Variants in DLGAP4 observed in about 807,000 individuals in gnomAD.
DLGAP4 encodes the protein DLG associated protein 4.
DLGAP4 carries 18 observed loss-of-function variants against 86.9 expected under a neutral mutation model. The ratio of observed to expected loss-of-function variants is 0.21; its 90% CI spans 0.14 to 0.31. DLGAP4 has a LOEUF of 0.31. DLGAP4 is among the 10% of genes least tolerant of loss of function. The probability of loss-of-function intolerance (pLI) is 1.00; values close to 1 mark genes in which losing one functional copy is unlikely to be tolerated. For missense variants in DLGAP4, 1,085 were observed against 1,362.6 expected (o/e 0.80, Z 3.21); for synonymous variants, 548 against 574.3 (o/e 0.95, Z 0.65).
chr20:36,458,225 C>T, intron 7 of DLGAP4, among the ~76,000 whole-genome samples: 1 of 151,672 alleles, frequency 6.6e-6, no homozygotes, highest in East Asian at 2.0e-4. Context: ...AAAAGAAACA[C>T]TCAGACCGGG....
intron 1 of DLGAP4, among the ~76,000 whole-genome samples, chr20:36,347,395 A>T (rs2029979418): frequency 1.3e-5 from 2 of 152,102 alleles, no homozygotes; most frequent in Non-Finnish European, 2.9e-5. Context: ...GGGCCAGATC[A>T]TGGGCCACTG....
chr20:36,498,169 G>T (rs570609477), intron 8 of DLGAP4: 2 of 152,374 alleles, frequency 1.3e-5, no homozygotes, highest in East Asian at 3.9e-4. Context: ...AACAGAGAAG[G>T]CTCACTGAGC....
rs930216741 is a variant in DLGAP4, at chr20:36,393,438, G to A, written c.-73+26163G>A. ...CCCTGTCCCCCGGCTGCTAACTTAC[G>A]AAGTGCTGGGCTCCTGGGAGACGCT... On this transcript the variant is annotated intron_variant, in intron 2 of 12. Coordinates refer to ENST00000339266, the MANE Select transcript of DLGAP4 (RefSeq NM_001365621.2). This position sits in a 1 kb window ranked among gnomAD's most constrained non-coding sequence, Gnocchi z 4.4. Among the ~76,000 whole-genome samples the A allele has an allele frequency of 3.3e-5, 5 of 152,056 alleles. No homozygotes were observed. Among genetic ancestry groups the A allele is most frequent in the South Asian group, 2.1e-4 (1 of 4,822 alleles).
At chr20:36,312,368 AAC>A (rs2065060922) in intron 1 of DLGAP4, among the ~76,000 whole-genome samples, 2 of 149,688 alleles carry the variant, frequency 1.3e-5, no homozygotes, top group Non-Finnish European at 2.9e-5. Context: ...TGCACGCGCG[AAC>A]ACACGCACAC....
chr20:36,477,498 G>T (rs1022721437), intron 7 of DLGAP4, among the ~76,000 whole-genome samples: 1 of 152,216 alleles, frequency 6.6e-6, no homozygotes, highest in Non-Finnish European at 1.5e-5. Context: ...CTCTGCAGAG[G>T]TAGCCTTGGT....
chr20:36,413,297 T>C (rs1409033359), intron 2 of DLGAP4, among the ~76,000 whole-genome samples: 2 of 150,160 alleles, frequency 1.3e-5, no homozygotes, highest in South Asian at 4.2e-4. Context: ...AACTCTTTCA[T>C]CACCCCTAAC....
chr20:36,488,635 T>C (rs2035526091), intron 7 of DLGAP4, among the ~76,000 whole-genome samples: 1 of 151,838 alleles, frequency 6.6e-6, no homozygotes. Flanking sequence ...GAGTGTGCAG[T>C]GGTGCAATCT....
intron 6 of DLGAP4, among the ~76,000 whole-genome samples, chr20:36,444,601 A>G (rs927859629): frequency 6.6e-6 from 1 of 151,108 alleles, no homozygotes; most frequent in Non-Finnish European, 1.5e-5. Flanking sequence ...AGCAAGTCAA[A>G]TGTGGCTCCT....
intron 2 of DLGAP4, among the ~76,000 whole-genome samples, chr20:36,368,211 C>T (rs557237323): frequency 7.9e-5 from 12 of 152,326 alleles, no homozygotes; most frequent in African/African-American, 2.4e-4. Context: ...AGGACCTGAG[C>T]GCCTCCTGGC....
chr20:36,366,328 T>C (rs2030687415), intron 1 of DLGAP4, among the ~76,000 whole-genome samples: 1 of 152,152 alleles, frequency 6.6e-6, no homozygotes, highest in African/African-American at 2.4e-5. Flanking sequence ...CCCAAAGTTC[T>C]GGGATTACAG....
At chr20:36,475,145 C>T (rs1449156177) in intron 7 of DLGAP4, among the ~76,000 whole-genome samples, 1 of 151,030 alleles carries the variant, frequency 6.6e-6, no homozygotes, top group Non-Finnish European at 1.5e-5. Flanking sequence ...TCAGGCAGGA[C>T]CCTGGGGGTC....
chr20:36,376,708 C>A (rs2031168396), intron 2 of DLGAP4, among the ~76,000 whole-genome samples: 1 of 152,056 alleles, frequency 6.6e-6, no homozygotes, highest in Admixed American at 6.6e-5. Flanking sequence ...GGGTCAGTGT[C>A]CCCAGGTGGA....
chr20:36,431,842 G>T lies in DLGAP4; in HGVS notation c.125G>T (p.Arg42Leu). The T allele has an allele frequency of 6.2e-7, 1 of 1,613,874 alleles. No homozygotes were observed. The highest frequency in any genetic ancestry group is 2.2e-5 in the East Asian group (1 of 44,856). Residue 42 changes from arginine (R) to leucine (L), a missense_variant, in exon 3 of 13, where the codon CGC becomes CTC. Arg to Leu is a moderately radical substitution (Grantham distance 102, BLOSUM62 -2). Transcript: ENST00000339266. The surrounding 1 kb of genome is among the most constrained non-coding windows in gnomAD (Gnocchi z 5.1). ...CTGTCGCCCACGGAGGCCTTCGCCC[G>T]CGAGGCCCGCTTCCCCGGGCAGAAC... Reference protein sequence around the residue: ...YLLSPTEAFAREARFPGQNTL... With the variant: ...YLLSPTEAFALEARFPGQNTL...
chr20:36,447,074 A>G, intron 7 of DLGAP4, 137 bp downstream of exon 7: 1 of 1,438,334 alleles, frequency 7.0e-7, no homozygotes, highest in Non-Finnish European at 9.1e-7. Flanking sequence ...GGTTGGGAGC[A>G]AAAGCAGGAG....
chr20:36,341,397 G>A (rs571155544), intron 1 of DLGAP4, among the ~76,000 whole-genome samples: 1 of 152,306 alleles, frequency 6.6e-6, no homozygotes, highest in African/African-American at 2.4e-5. Context: ...CATCTGTCTT[G>A]TTGACTGCCC....
At chr20:36,362,654 G>A (rs2030558758) in intron 1 of DLGAP4, among the ~76,000 whole-genome samples, 3 of 152,260 alleles carry the variant, frequency 2.0e-5, no homozygotes, top group South Asian at 4.1e-4. Flanking sequence ...CCATGTGCCA[G>A]GTACAGCGTG....
At chr20:36,477,571 G>A (rs985829959) in intron 7 of DLGAP4, among the ~76,000 whole-genome samples, 2 of 152,166 alleles carry the variant, frequency 1.3e-5, no homozygotes, top group Admixed American at 6.5e-5. Context: ...AGGATAATGG[G>A]ATGAGGAAGG....
At chr20:36,460,777 G>A (rs568386801) in intron 7 of DLGAP4, among the ~76,000 whole-genome samples, 1 of 152,292 alleles carries the variant, frequency 6.6e-6, no homozygotes, top group South Asian at 2.1e-4. Context: ...GGCTCGAGCT[G>A]GTCACTTTGC....
At chr20:36,356,662 C>T (rs2030339657) in intron 1 of DLGAP4, among the ~76,000 whole-genome samples, 1 of 146,792 alleles carries the variant, frequency 6.8e-6, no homozygotes, top group Non-Finnish European at 1.5e-5. Context: ...GGCCTATGGG[C>T]AGCCTGTTTT....
Sources: gnomAD v4.1 joint callset for allele counts (sites outside exome capture counted in the v4.1 genomes callset) on GRCh38, gnomAD v4.1.1 for gene constraint, Gnocchi (gnomAD v3.1) non-coding constraint, MANE v1.5 for transcripts, NCBI Gene and HGNC (gene_info 2026-07-23, HGNC 2026-07-21) for gene names.